Variants in MYOZ3 observed in about 807,000 individuals in gnomAD.
MYOZ3 encodes myozenin-3.
Under a neutral mutation model 26.5 loss-of-function variants are expected in MYOZ3, and 19 were observed. The ratio of observed to expected loss-of-function variants is 0.72; its 90% CI spans 0.50 to 1.05. The LOEUF is 1.05. MYOZ3 is among the 50% of genes least tolerant of loss of function. MYOZ3 has a pLI of 0.00. For missense variants in MYOZ3, 322 were observed against 337.1 expected (o/e 0.96, Z 0.35); for synonymous variants, 135 against 138.8 (o/e 0.97, Z 0.19).
intron 5 of MYOZ3, chr5:150,672,116 C>A (rs959589941): frequency 9.5e-7 from 1 of 1,051,512 alleles, no homozygotes; most frequent in Admixed American, 2.0e-5. Context: ...CAAGACCAAC[C>A]CGCGCTGCGA....
At chr5:150,666,628 A>T (rs866709104) in intron 2 of MYOZ3, among the ~76,000 whole-genome samples, 2,685 of 132,674 alleles carry the variant, frequency 0.02, 65 homozygotes, top group African/African-American at 0.065. Flanking sequence ...AAAAAAAAAA[A>T]AAATATATAT....
Position 150,663,014 on chromosome 5 carries a change from C to T in MYOZ3, c.61+12C>T. On this transcript the variant is annotated intron_variant, in intron 2 of 6. Transcript: ENST00000517768. Reference sequence around the variant, plus strand: ...CCTCACTGAACCAGGTAAGGTGGTTCTAGCCTCATGCCTTCCTCAGACTCC... The same window carrying T: ...CCTCACTGAACCAGGTAAGGTGGTTTTAGCCTCATGCCTTCCTCAGACTCC... 1 of 1,600,822 alleles carries T rather than the reference C, an allele frequency of 6.2e-7. No homozygotes were observed. The highest frequency in any genetic ancestry group is 1.1e-5 in the South Asian group (1 of 89,188).
rs1246689076 is a variant in MYOZ3, at chr5:150,677,720, G to A, written c.*845G>A. On this transcript the variant is annotated 3_prime_UTR_variant, in exon 7 of 7. Coordinates refer to ENST00000517768, the MANE Select transcript of MYOZ3 (RefSeq NM_001122853.3). Reference sequence around the variant, plus strand: ...CACTGCCAGGCCCGGGCCTCGAGGAGGAAAAGACAGTAGGGAAGACATTAT... The same window carrying A: ...CACTGCCAGGCCCGGGCCTCGAGGAAGAAAAGACAGTAGGGAAGACATTAT... 1 of 152,364 alleles carries A rather than the reference G, an allele frequency of 6.6e-6. No homozygotes were observed. The highest frequency in any genetic ancestry group is 2.1e-4 in the South Asian group (1 of 4,824). The allele number at this position is 152,364 out of a possible 1,614,324, so 9.4% of individuals were successfully genotyped here. A position where few individuals can be genotyped will look rare whatever the true frequency, so the allele number is the denominator to read the frequency against.
intron 2 of MYOZ3, among the ~76,000 whole-genome samples, chr5:150,667,978 G>C (rs549957222): frequency 6.6e-6 from 1 of 152,320 alleles, no homozygotes; most frequent in Non-Finnish European, 1.5e-5. Flanking sequence ...TAAGCGGTCT[G>C]TATTCAACCT....
chr5:150,665,409 T>C (rs1005491698), intron 2 of MYOZ3, among the ~76,000 whole-genome samples: 11 of 152,110 alleles, frequency 7.2e-5, no homozygotes, highest in African/African-American at 2.7e-4. Context: ...GGTGGTGGTG[T>C]GAACTCTTAG....
intron 1 of MYOZ3, 73 bp from the exon 2 acceptor site, chr5:150,662,868 A>ACC: frequency 7.3e-7 from 1 of 1,373,812 alleles, no homozygotes; most frequent in Non-Finnish European, 1.0e-6. Context: ...GGCAGGGTGA[A>ACC]CCAGAGACTG....
rs561250972 is a variant in MYOZ3 at position 150,676,330 on chromosome 5, G to C, written c.588-377G>C. The stretch of plus-strand genomic sequence containing the variant: ...GGAGGCCGAGATGGGCGGATCATGA[G>C]GTCAGGAGTTTGAGACTAGCCTGGC... On this transcript the variant is annotated intron_variant, in intron 6 of 6. Transcript: ENST00000517768. Among the ~76,000 whole-genome samples, 545 of 152,218 alleles carry C rather than the reference G, an allele frequency of 3.6e-3. 5 individuals carry two copies. Among genetic ancestry groups the C allele is most frequent in the African/African-American group, 0.013 (525 of 41,524 alleles).
At chr5:150,676,612 C>A in intron 6 of MYOZ3, 95 bp from the exon 7 acceptor site, 4 of 1,195,322 alleles carry the variant, frequency 3.3e-6, no homozygotes, top group Non-Finnish European at 4.7e-6. Flanking sequence ...GCTCAGAGAG[C>A]GGCAGGGAGG....
intron 3 of MYOZ3, 115 bp from the exon 4 acceptor site, chr5:150,671,482 A>C: frequency 9.4e-7 from 1 of 1,061,784 alleles, no homozygotes; most frequent in East Asian, 2.4e-5. Context: ...TTGTTCCCCG[A>C]TGATGGGCGT....
chr5:150,666,473 G>A (rs923740650), intron 2 of MYOZ3, among the ~76,000 whole-genome samples: 2 of 151,762 alleles, frequency 1.3e-5, no homozygotes, highest in African/African-American at 2.4e-5. Context: ...AATTAGCCGT[G>A]CGTGGTGGCT....
chr5:150,663,095 GCAGA>G, intron 2 of MYOZ3, 93 bp downstream of exon 2: 1 of 1,092,522 alleles, frequency 9.2e-7, no homozygotes, highest in Non-Finnish European at 1.3e-6. Flanking sequence ...CCAGGCCTGG[GCAGA>G]CAGGTGTGAG....
chr5:150,672,948 T>A (rs1758947495), intron 6 of MYOZ3: 1 of 158,074 alleles, frequency 6.3e-6, no homozygotes. Context: ...TGTGTCCTTC[T>A]CTGAGGGGTC....
chr5:150,661,743 A>T (rs1758735614), intron 1 of MYOZ3, among the ~76,000 whole-genome samples: 1 of 152,170 alleles, frequency 6.6e-6, no homozygotes, highest in South Asian at 2.1e-4. Context: ...GCATCTGTGA[A>T]TTTCTGTAAA....
chr5:150,673,550 C>T (rs1334432191), intron 6 of MYOZ3, among the ~76,000 whole-genome samples: 4 of 152,084 alleles, frequency 2.6e-5, no homozygotes, highest in Non-Finnish European at 5.9e-5. Flanking sequence ...CTATGTTGGC[C>T]GGGCTGGTCT....
chr5:150,670,723 C>A (rs972057980), intron 3 of MYOZ3, 85 bp downstream of exon 3: 2 of 1,352,340 alleles, frequency 1.5e-6, no homozygotes, highest in African/African-American at 2.9e-5. Flanking sequence ...GTAAGCCAGG[C>A]TGAGGACTGT....
In MYOZ3 at chr5:150,672,470, C is replaced by T. The variant is rs1758935064; in HGVS notation, c.555C>T (p.Thr185=). The T allele has an allele frequency of 3.1e-6, 5 of 1,590,604 alleles. No individual in the cohort carries two copies. The highest frequency in any genetic ancestry group is 4.3e-6 in the Non-Finnish European group (5 of 1,166,150). ...ACCAGAGCGATGGCCGAAGTCACAC[C>T]CCCAGCCCCAACGACTACCGAAATT... is the stretch of plus-strand genomic sequence containing the variant. ...RDYQSDGRSH[T]PSPNDYRNFN... Residue 185 remains threonine (T), a synonymous_variant, in exon 6 of 7, where the codon ACC becomes ACT. Transcript: ENST00000517768.
rs1468824987 is a variant in MYOZ3, at chr5:150,672,386, C to T, written c.471C>T (p.His157=). 3 of 1,612,938 alleles carry T rather than the reference C, an allele frequency of 1.9e-6. No homozygotes were observed. Among genetic ancestry groups the T allele is most frequent in the African/African-American group, 2.7e-5 (2 of 74,954 alleles). ...GCGTCCCGCCAGAGAAGTTCAACCA[C>T]ACCGCCATCTCCAAGGGCTACCGCT... is the stretch of plus-strand genomic sequence containing the variant. The part of the protein sequence containing the change: ...LKGVPPEKFN[H]TAISKGYRCP... The change falls in exon 6 of 7, where the codon CAC becomes CAT. Residue 157 remains histidine, a synonymous_variant. Transcript: ENST00000517768.
intron 2 of MYOZ3, among the ~76,000 whole-genome samples, chr5:150,666,033 TAAAAAAAAAA>T (rs61227926): frequency 8.6e-6 from 1 of 115,816 alleles, no homozygotes; most frequent in Non-Finnish European, 1.8e-5. Context: ...GAAACTCGTC[TAAAAAAAAAA>T]AAAAAAAAAG....
intron 6 of MYOZ3, among the ~76,000 whole-genome samples, chr5:150,673,736 C>G (rs1386088157): frequency 6.6e-6 from 1 of 152,180 alleles, no homozygotes; most frequent in Non-Finnish European, 1.5e-5. Context: ...TGAAAACAAA[C>G]CATAGGAATC....
Sources: gnomAD v4.1 joint callset for allele counts (sites outside exome capture counted in the v4.1 genomes callset) on GRCh38, gnomAD v4.1.1 for gene constraint, MANE v1.5 for transcripts, NCBI Gene and HGNC (gene_info 2026-07-23, HGNC 2026-07-21) for gene names.